The following ICA1L variants were observed in gnomAD, a reference collection of about 807,000 sequenced individuals.
The protein encoded by ICA1L is islet cell autoantigen 1 like, also known as islet cell autoantigen 1-like protein.
Under a neutral mutation model 61.3 loss-of-function variants are expected in ICA1L, and 50 were observed. That is an observed-to-expected ratio of 0.82 (90% confidence interval 0.65 to 1.03). The LOEUF (loss-of-function observed/expected upper bound fraction) is 1.03, where lower values mean the gene tolerates loss of function less well. Among genes scored for constraint, ICA1L ranks in the 50% least tolerant of loss-of-function variants. The pLI, the probability that ICA1L is intolerant of heterozygous loss-of-function variation, is 0.00. For missense variants in ICA1L, 508 were observed against 556.7 expected, an observed-to-expected ratio of 0.91 and a Z score of 0.88; for synonymous variants, 161 against 191.3, an observed-to-expected ratio of 0.84 and a Z score of 1.31.
intron 1 of ICA1L, among the ~76,000 whole-genome samples, chr2:202,839,283 A>T (rs1694243946): frequency 6.6e-6 from 1 of 151,984 alleles, no homozygotes; most frequent in Admixed American, 6.6e-5. Flanking sequence ...GGTGGATCAC[A>T]AGGTCAGAAG....
chr2:202,783,146 G>A (rs189687628), intron 12 of ICA1L, among the ~76,000 whole-genome samples: 118 of 152,094 alleles, frequency 7.8e-4, no homozygotes, highest in African/African-American at 2.7e-3. Flanking sequence ...AAATAGAGAG[G>A]GAATGAGGAA....
At chr2:202,782,394 G>GTTGT (rs1396404616) in intron 12 of ICA1L, among the ~76,000 whole-genome samples, 4 of 151,036 alleles carry the variant, frequency 2.6e-5, no homozygotes, top group African/African-American at 9.7e-5. Context: ...TTTTTTTGTT[G>GTTGT]TTGTTTGTTT....
intron 1 of ICA1L, among the ~76,000 whole-genome samples, chr2:202,852,771 G>A (rs1694664927): frequency 6.7e-6 from 1 of 149,690 alleles, no homozygotes; most frequent in African/African-American, 2.5e-5. Flanking sequence ...TCTAACTGGT[G>A]TGAGATGGTA....
At chr2:202,795,503 G>A (rs1468858079) in intron 10 of ICA1L, among the ~76,000 whole-genome samples, 6 of 151,404 alleles carry the variant, frequency 4.0e-5, no homozygotes, top group East Asian at 2.0e-4. Context: ...GCTGAGGCAG[G>A]AGAATCGCTT....
chr2:202,832,778 G>A (rs2105863560), intron 1 of ICA1L, among the ~76,000 whole-genome samples: 1 of 151,994 alleles, frequency 6.6e-6, no homozygotes, highest in South Asian at 2.1e-4. Flanking sequence ...GTGACAGACT[G>A]CCTCTTAAAA....
At chr2:202,867,981 G>A (rs572041160) in intron 1 of ICA1L, among the ~76,000 whole-genome samples, 5 of 152,218 alleles carry the variant, frequency 3.3e-5, no homozygotes, top group South Asian at 2.1e-4. Context: ...AGTATACTGC[G>A]CAATGGAATA....
rs908854432 is a variant in ICA1L at position 202,789,172 on chromosome 2, T to C, written c.986-85A>G. On this transcript the variant is annotated intron_variant, in intron 10 of 12. Coordinates refer to ENST00000358299, the MANE Select transcript of ICA1L (RefSeq NM_001288622.3). ...CATAGGATGAATCAAATTTGTTTCA[T>C]TGTTTTCATACTGTATTAACATAAT... is the stretch of plus-strand genomic sequence containing the variant. 6.3e-5 allele frequency: 70 copies of C among 1,119,230 alleles called. 2 individuals carry two copies. The highest frequency in any genetic ancestry group is 5.0e-4 in the African/African-American group (32 of 63,626). The allele number at this position is 1,119,230 out of a possible 1,614,324, so 69.3% of individuals were successfully genotyped here. A position where few individuals can be genotyped will look rare whatever the true frequency, so the allele number is the denominator to read the frequency against.
intron 5 of ICA1L, chr2:202,819,469 T>A: frequency 2.0e-6 from 1 of 494,746 alleles, no homozygotes; most frequent in East Asian, 3.6e-5. Flanking sequence ...AGATCTATCA[T>A]GAGACAGATT....
intron 1 of ICA1L, among the ~76,000 whole-genome samples, chr2:202,857,011 G>C (rs1326797183): frequency 6.6e-6 from 1 of 152,174 alleles, no homozygotes; most frequent in Non-Finnish European, 1.5e-5. Flanking sequence ...GACATTCCAA[G>C]CTCATGGATA....
intron 1 of ICA1L, chr2:202,840,579 A>C (rs925844227): frequency 1.8e-6 from 1 of 563,034 alleles, no homozygotes; most frequent in Non-Finnish European, 3.5e-6. Context: ...CCAGACTCCA[A>C]CTGGCTCTCC....
chr2:202,774,440 G>A lies in ICA1L; in HGVS notation c.*5093C>T, dbSNP rs1692155352. The A allele has an allele frequency of 1.6e-6, 1 of 639,882 alleles. No homozygotes were observed. The allele number at this position is 639,882 out of a possible 1,614,324, so 39.6% of individuals were successfully genotyped here. A position where few individuals can be genotyped will look rare whatever the true frequency, so the allele number is the denominator to read the frequency against. ...AGCCCCTGGCTCCCCGTTCGTCCAG[G>A]CCAGCTCAAGAAACAACTTTTTCTT... is the stretch of plus-strand genomic sequence containing the variant. On this transcript the variant is annotated 3_prime_UTR_variant, in exon 13 of 13. Transcript: ENST00000358299.
intron 12 of ICA1L, 117 bp from the exon 13 acceptor site, chr2:202,779,765 C>T: frequency 3.3e-6 from 2 of 614,244 alleles, no homozygotes; most frequent in Non-Finnish European, 5.6e-6. Context: ...ATTAAGATAA[C>T]TGACAATAAT....
intron 1 of ICA1L, among the ~76,000 whole-genome samples, chr2:202,869,350 C>CT (rs1687626336): frequency 6.6e-6 from 1 of 152,040 alleles, no homozygotes; most frequent in African/African-American, 2.4e-5. Context: ...GAGCGAGACT[C>CT]TGTCTCAAAA....
intron 11 of ICA1L, among the ~76,000 whole-genome samples, chr2:202,787,944 G>A (rs184693234): frequency 8.9e-4 from 136 of 152,264 alleles, no homozygotes; most frequent in African/African-American, 3.2e-3. Flanking sequence ...TCAGGCCCAC[G>A]TCCAAGCTCC....
At chr2:202,823,391 T>C (rs1375542069) in intron 3 of ICA1L, among the ~76,000 whole-genome samples, 1 of 152,204 alleles carries the variant, frequency 6.6e-6, no homozygotes, top group African/African-American at 2.4e-5. Context: ...TAAATCTATA[T>C]GTGTTTCCCT....
chr2:202,847,330 T>C (rs1009153455), intron 1 of ICA1L, among the ~76,000 whole-genome samples: 4 of 152,206 alleles, frequency 2.6e-5, no homozygotes, highest in African/African-American at 7.2e-5. Context: ...AGGTTACACA[T>C]TTCATCTGTG....
At chr2:202,848,541 A>C (rs1694527786) in intron 1 of ICA1L, among the ~76,000 whole-genome samples, 2 of 152,222 alleles carry the variant, frequency 1.3e-5, no homozygotes, top group South Asian at 4.1e-4. Context: ...CTACAAAGGC[A>C]GTTAGGTACA....
At chr2:202,802,611 T>C (rs538412075) in intron 9 of ICA1L, among the ~76,000 whole-genome samples, 5 of 151,426 alleles carry the variant, frequency 3.3e-5, no homozygotes, top group South Asian at 4.2e-4. Context: ...GATACAGAAA[T>C]TGAATTAGAG....
Position 202,828,869 on chromosome 2 carries a change from A to G in ICA1L, c.141T>C (p.Ala47=). The change falls in exon 2 of 13, where the codon GCT becomes GCC. Residue 47 remains alanine (A), a synonymous_variant. Transcript: ENST00000358299. ...KEDEHLVASD[A]ELDAKLEVFH... is the part of the protein sequence containing the mutation. Reference sequence around the variant, plus strand: ...TTACCTCAAGTTTAGCATCCAGTTCAGCATCAGACGCCACCAAGTGCTCAT... The same window carrying G: ...TTACCTCAAGTTTAGCATCCAGTTCGGCATCAGACGCCACCAAGTGCTCAT... The G allele has an allele frequency of 1.2e-6, 2 of 1,614,012 alleles. No individual in the cohort carries two copies. Among genetic ancestry groups the G allele is most frequent in the Non-Finnish European group, 1.7e-6 (2 of 1,179,924 alleles).
Sources: allele counts gnomAD v4.1 joint callset (sites outside exome capture counted in the v4.1 genomes callset), GRCh38; gene constraint gnomAD v4.1.1; transcripts MANE v1.5; gene names NCBI Gene and HGNC (gene_info 2026-07-23, HGNC 2026-07-21).